Variants in PHF21B observed in about 807,000 individuals in gnomAD.
PHF21B encodes PHD finger protein 4.
Under a neutral mutation model 62.2 loss-of-function variants are expected in PHF21B, and 22 were observed. The observed-to-expected ratio is 0.35, with a 90% CI of 0.25 to 0.51. The LOEUF is 0.51. PHF21B is among the 20% of genes least tolerant of loss of function. PHF21B has a pLI of 0.97. For synonymous variants in PHF21B, 341 were observed against 314.7 expected (o/e 1.08, Z -0.88); for missense variants, 701 against 707.9 (o/e 0.99, Z 0.11).
At chr22:44,894,449 C>T (rs952313752) in intron 6 of PHF21B, among the ~76,000 whole-genome samples, 5 of 152,102 alleles carry the variant, frequency 3.3e-5, no homozygotes, top group African/African-American at 7.2e-5. Context: ...AGTGCACAGG[C>T]GGGACTTGAG....
intron 2 of PHF21B, chr22:44,967,050 T>C (rs2072541032): frequency 6.6e-6 from 1 of 152,120 alleles, no homozygotes. Context: ...ATTCTCTTTC[T>C]GCTTCTCCAT....
intron 5 of PHF21B, among the ~76,000 whole-genome samples, chr22:44,913,338 T>C (rs923752182): frequency 6.6e-6 from 1 of 152,166 alleles, no homozygotes; most frequent in African/African-American, 2.4e-5. Context: ...GAGGAGCCCC[T>C]TTCCCTCCTA....
chr22:44,987,726 G>C (rs571141156), intron 2 of PHF21B, among the ~76,000 whole-genome samples: 1 of 151,338 alleles, frequency 6.6e-6, no homozygotes, highest in Non-Finnish European at 1.5e-5. Flanking sequence ...TGAGGTTTAC[G>C]GTTCTTAAAT....
At position 44,916,443 on chromosome 22, in the gene PHF21B, G is replaced by T. The variant is rs1261167475; in HGVS notation, c.401C>A (p.Ala134Asp). The T allele has an allele frequency of 6.3e-7, 1 of 1,599,480 alleles. No homozygotes were observed. Among genetic ancestry groups the T allele is most frequent in the Admixed American group, 1.7e-5 (1 of 59,028 alleles). Reference protein sequence around the residue: ...PAPGSQPQALAEPAALASPLS... With the variant: ...PAPGSQPQALDEPAALASPLS... ...CGGAGAGGCGAGGGCGGCGGGCTCG[G>T]CGAGGGCCTGGGGCTGGCTGCCGGG... The change falls in exon 4 of 13, where the codon GCC (alanine) becomes GAC (aspartate). Residue 134 changes from alanine (A) to aspartate (D), a missense_variant. Ala to Asp is a moderately radical substitution (Grantham distance 126). Coordinates refer to ENST00000313237, the MANE Select transcript of PHF21B (RefSeq NM_138415.5).
intron 2 of PHF21B, among the ~76,000 whole-genome samples, chr22:44,977,175 T>A (rs2072752553): frequency 2.0e-5 from 3 of 152,140 alleles, no homozygotes; most frequent in African/African-American, 7.2e-5. Flanking sequence ...AATATTCACT[T>A]TGAAATCCTC....
chr22:44,961,776 G>C (rs1273566713), intron 2 of PHF21B, among the ~76,000 whole-genome samples: 2 of 151,950 alleles, frequency 1.3e-5, no homozygotes, highest in East Asian at 3.9e-4. Flanking sequence ...GCATGGCAGA[G>C]GTTGCAGTGA....
intron 2 of PHF21B, among the ~76,000 whole-genome samples, chr22:44,983,157 C>A (rs2072873371): frequency 6.6e-6 from 1 of 151,920 alleles, no homozygotes. Flanking sequence ...TTGCTTGAAC[C>A]CAGGAGGCGG....
At chr22:44,908,536 C>A (rs1349017420) in intron 5 of PHF21B, among the ~76,000 whole-genome samples, 1 of 152,196 alleles carries the variant, frequency 6.6e-6, no homozygotes, top group Non-Finnish European at 1.5e-5. Context: ...CTCCAAGCAA[C>A]CCCTGGGCTG....
chr22:44,984,086 CCATCATCAT>C (rs534246263), intron 2 of PHF21B, among the ~76,000 whole-genome samples: 1 of 63,780 alleles, frequency 1.6e-5, no homozygotes. Flanking sequence ...ACCACCATCA[CCATCATCAT>C]CACCATCATC....
chr22:44,939,595 G>A (rs545301714), intron 2 of PHF21B, among the ~76,000 whole-genome samples: 1 of 152,168 alleles, frequency 6.6e-6, no homozygotes, highest in Admixed American at 6.5e-5. Context: ...AGTTAAGTAG[G>A]GTTCCCAGAC....
intron 2 of PHF21B, among the ~76,000 whole-genome samples, chr22:44,924,116 G>A (rs969799431): frequency 9.4e-5 from 13 of 138,336 alleles, no homozygotes; most frequent in African/African-American, 3.3e-4. Context: ...GGGGAGGGAA[G>A]AGGGGAGGAA....
chr22:45,005,712 C>T (rs2073303025), intron 2 of PHF21B, among the ~76,000 whole-genome samples: 1 of 152,168 alleles, frequency 6.6e-6, no homozygotes, highest in African/African-American at 2.4e-5. Context: ...AGTTCATCAT[C>T]CACATGTGCA....
At chr22:44,910,676 A>T (rs899455735) in intron 5 of PHF21B, among the ~76,000 whole-genome samples, 3 of 152,202 alleles carry the variant, frequency 2.0e-5, no homozygotes, top group Admixed American at 6.5e-5. Context: ...TTCCCCAGCC[A>T]TCTGGAACTG....
chr22:44,955,478 G>A (rs769848601), intron 2 of PHF21B, among the ~76,000 whole-genome samples: 1 of 152,210 alleles, frequency 6.6e-6, no homozygotes, highest in Non-Finnish European at 1.5e-5. Context: ...ATCAGCATAT[G>A]GGTAGGTAGA....
chr22:44,974,689 T>C (rs981626040), intron 2 of PHF21B, among the ~76,000 whole-genome samples: 5 of 152,032 alleles, frequency 3.3e-5, no homozygotes, highest in Admixed American at 2.0e-4. Flanking sequence ...AGACCAGAAA[T>C]TGGAGGAGAA....
intron 2 of PHF21B, among the ~76,000 whole-genome samples, chr22:44,961,032 C>A (rs2147417266): frequency 6.8e-6 from 1 of 148,074 alleles, no homozygotes; most frequent in East Asian, 2.1e-4. Flanking sequence ...TCTCGGCTCA[C>A]TGCAACTTCT....
Position 44,907,459 on chromosome 22 carries a change from C to T in PHF21B, c.831+6363G>A, listed in dbSNP as rs9614974. Reference sequence around the variant, plus strand: ...GGCCAGCCGTGTTCAGCGTCCCGCACGTGCCTGGTGCGGAGTGGGGCGTGG... The same window carrying T: ...GGCCAGCCGTGTTCAGCGTCCCGCATGTGCCTGGTGCGGAGTGGGGCGTGG... On this transcript the variant is annotated intron_variant, in intron 5 of 12. Coordinates refer to ENST00000313237, the MANE Select transcript of PHF21B (RefSeq NM_138415.5). Among the ~76,000 whole-genome samples the T allele has an allele frequency of 2.6e-5, 4 of 152,278 alleles. 1 individual carries two copies. The South Asian group carries it at 6.2e-4, about 24-fold the overall frequency.
chr22:44,943,657 G>A (rs1314965160), intron 2 of PHF21B, among the ~76,000 whole-genome samples: 1 of 152,144 alleles, frequency 6.6e-6, no homozygotes, highest in Non-Finnish European at 1.5e-5. Flanking sequence ...AAGCAAACAG[G>A]TTTAGATTTC....
chr22:44,960,649 A>G (rs1300059020), intron 2 of PHF21B, among the ~76,000 whole-genome samples: 1 of 152,134 alleles, frequency 6.6e-6, no homozygotes, highest in Non-Finnish European at 1.5e-5. Context: ...TCTGGATGAG[A>G]CTCACATCTG....
Sources: allele counts gnomAD v4.1 joint callset (sites outside exome capture counted in the v4.1 genomes callset), GRCh38; gene constraint gnomAD v4.1.1; transcripts MANE v1.5; gene names NCBI Gene and HGNC (gene_info 2026-07-23, HGNC 2026-07-21).